REL: variants seen among roughly 807,000 people sequenced by gnomAD.
REL encodes the protein REL proto-oncogene, NF-kB subunit, also known as proto-oncogene c-Rel.
REL carries 15 observed loss-of-function variants against 45.9 expected under a neutral mutation model. The observed-to-expected ratio is 0.33, with a 90% CI of 0.22 to 0.50. REL has a LOEUF of 0.50. REL is among the 20% of genes least tolerant of loss of function. The probability of loss-of-function intolerance (pLI) is 0.98; values close to 1 mark genes in which losing one functional copy is unlikely to be tolerated. For missense variants in REL, 601 were observed against 715.2 expected, an observed-to-expected ratio of 0.84 and a Z score of 1.82; for synonymous variants, 239 against 242.1, an observed-to-expected ratio of 0.99 and a Z score of 0.12.
At position 60,927,553 on chromosome 2, in the gene REL, C is replaced by T. The variant is rs192589801; in HGVS notation, c.*5018C>T. On this transcript the variant is annotated 3_prime_UTR_variant, in exon 10 of 10. Coordinates refer to ENST00000394479, the MANE Select transcript of REL (RefSeq NM_001291746.2). Reference sequence around the variant, plus strand: ...GGTTTAATCTCAGGTCTCCCTCATACACTTCTCAGCCTCAGCACCTAACCC... The same window carrying T: ...GGTTTAATCTCAGGTCTCCCTCATATACTTCTCAGCCTCAGCACCTAACCC... The T allele has an allele frequency of 8.7e-6, 2 of 229,588 alleles. No homozygotes were observed. The highest frequency in any genetic ancestry group is 6.1e-5 in the East Asian group (1 of 16,266). 14.2% of individuals were successfully genotyped at this position (229,588 alleles called of 1,614,324 possible).
At chr2:60,906,301 A>C (rs1044641746) in intron 4 of REL, among the ~76,000 whole-genome samples, 1 of 152,062 alleles carries the variant, frequency 6.6e-6, no homozygotes, top group Non-Finnish European at 1.5e-5. Context: ...AGTGTACTCA[A>C]TTCTATTCTG....
rs10172912 is a variant in REL at position 60,912,907 on chromosome 2, A to T, written c.395-3970A>T. 3.9e-4 allele frequency among the ~76,000 whole-genome samples: 59 copies of T among 152,242 alleles called. 1 individual carries two copies. Among genetic ancestry groups the T allele is most frequent in the African/African-American group, 1.4e-3 (58 of 41,576 alleles). On this transcript the variant is annotated intron_variant, in intron 4 of 9. Coordinates refer to ENST00000394479, the MANE Select transcript of REL (RefSeq NM_001291746.2). The stretch of plus-strand genomic sequence containing the variant: ...AAAAATAGTTATTTAATTAAGTCGG[A>T]TTCCCTACCTCACATCATATACAAA...
chr2:60,913,447 T>G (rs1458080525), intron 4 of REL, among the ~76,000 whole-genome samples: 2 of 152,128 alleles, frequency 1.3e-5, no homozygotes, highest in Non-Finnish European at 2.9e-5. Flanking sequence ...CTAAAATCAG[T>G]GAATGATTTA....
chr2:60,914,967 G>T (rs1041558770), intron 4 of REL, among the ~76,000 whole-genome samples: 38 of 152,122 alleles, frequency 2.5e-4, no homozygotes, highest in African/African-American at 8.7e-4. Flanking sequence ...AAGTAGCTGG[G>T]ATTATAGGCG....
chr2:60,904,904 GAAAGT>G (rs1318897037), intron 4 of REL, among the ~76,000 whole-genome samples: 1 of 152,054 alleles, frequency 6.6e-6, no homozygotes, highest in African/African-American at 2.4e-5. Flanking sequence ...TAAAGAAAAG[GAAAGT>G]AATTTGTTCA....
chr2:60,912,877 G>GA (rs954112350), intron 4 of REL, among the ~76,000 whole-genome samples: 7 of 149,918 alleles, frequency 4.7e-5, no homozygotes, highest in Admixed American at 3.3e-4. Flanking sequence ...AATGAAGCTT[G>GA]AAAAAAAAAT....
intron 4 of REL, among the ~76,000 whole-genome samples, chr2:60,902,262 A>G (rs1673518539): frequency 6.6e-6 from 1 of 152,330 alleles, no homozygotes; most frequent in African/African-American, 2.4e-5. Context: ...TTTATGAACC[A>G]TAAGATCTGC....
In REL at chr2:60,923,962, C is replaced by G. The variant is rs1042577286; in HGVS notation, c.*1427C>G. On this transcript the variant is annotated 3_prime_UTR_variant, in exon 10 of 10. Coordinates refer to ENST00000394479, the MANE Select transcript of REL (RefSeq NM_001291746.2). ...AAAGTTGCAGGCCTAGACTCCCTGT[C>G]CTACCTCAGGTACCACCATATCCCA... 10 of 233,088 alleles carry G rather than the reference C, an allele frequency of 4.3e-5. No homozygotes were observed. Among genetic ancestry groups the G allele is most frequent in the African/African-American group, 2.2e-4 (10 of 45,316 alleles). The allele number at this position is 233,088 out of a possible 1,614,324, so 14.4% of individuals were successfully genotyped here.
At chr2:60,882,869 C>G (rs544333943) in intron 1 of REL, among the ~76,000 whole-genome samples, 2 of 152,166 alleles carry the variant, frequency 1.3e-5, no homozygotes, top group South Asian at 2.1e-4. Flanking sequence ...TATATTTTCC[C>G]TTAATAAATG....
intron 3 of REL, among the ~76,000 whole-genome samples, chr2:60,895,760 G>C (rs1447247968): frequency 6.6e-6 from 1 of 152,164 alleles, no homozygotes; most frequent in African/African-American, 2.4e-5. Flanking sequence ...CCACTTCTAG[G>C]AGTTTAGCCT....
rs539844162 is a variant in REL at position 60,931,485 on chromosome 2, A to G, written c.*8950A>G. 6.6e-6 allele frequency: 1 copy of G among 152,458 alleles called. No homozygotes were observed. Among genetic ancestry groups the G allele is most frequent in the African/African-American group, 2.4e-5 (1 of 41,582 alleles). The allele number at this position is 152,458 out of a possible 1,614,324, so 9.4% of individuals were successfully genotyped here. ...TGTTCAATTATTTAATGTTAAGTTTAGTATCAAGATACAGTTGTTTTTAAA... is the reference window on the plus strand; with the variant it reads ...TGTTCAATTATTTAATGTTAAGTTTGGTATCAAGATACAGTTGTTTTTAAA... On this transcript the variant is annotated 3_prime_UTR_variant, in exon 10 of 10. Coordinates refer to ENST00000394479, the MANE Select transcript of REL (RefSeq NM_001291746.2).
intron 4 of REL, among the ~76,000 whole-genome samples, chr2:60,908,281 T>G (rs1198085765): frequency 6.6e-6 from 1 of 152,234 alleles, no homozygotes; most frequent in Admixed American, 6.5e-5. Flanking sequence ...CTCTATCTTC[T>G]CAGCTAAGTG....
intron 4 of REL, among the ~76,000 whole-genome samples, chr2:60,908,518 C>T (rs1255485500): frequency 6.6e-6 from 1 of 152,130 alleles, no homozygotes; most frequent in Non-Finnish European, 1.5e-5. Context: ...TAATTAGGGA[C>T]TCCAATATCA....
chr2:60,906,868 T>C (rs374882243), intron 4 of REL, among the ~76,000 whole-genome samples: 5 of 138,974 alleles, frequency 3.6e-5, no homozygotes, highest in Non-Finnish European at 8.1e-5. Flanking sequence ...TGTGTGTGTG[T>C]GTGCGTGTGT....
At chr2:60,906,641 G>C (rs1487172529) in intron 4 of REL, among the ~76,000 whole-genome samples, 1 of 151,928 alleles carries the variant, frequency 6.6e-6, no homozygotes, top group African/African-American at 2.4e-5. Flanking sequence ...TTGCCGTTCT[G>C]AACTATCTGC....
chr2:60,921,346 T>A (rs1324367643), intron 9 of REL, among the ~76,000 whole-genome samples: 3 of 152,212 alleles, frequency 2.0e-5, no homozygotes, highest in African/African-American at 2.4e-5. Flanking sequence ...TTATCCCTAA[T>A]GAGTGTTGTC....
chr2:60,891,092 A>C (rs945310180), intron 1 of REL, among the ~76,000 whole-genome samples: 2 of 152,180 alleles, frequency 1.3e-5, no homozygotes, highest in Admixed American at 6.5e-5. Flanking sequence ...CTTTGAGCCT[A>C]AAGTCCCTCC....
At chr2:60,887,425 T>G (rs1016682575) in intron 1 of REL, among the ~76,000 whole-genome samples, 2 of 152,056 alleles carry the variant, frequency 1.3e-5, no homozygotes, top group Non-Finnish European at 2.9e-5. Flanking sequence ...TTAAGATTTT[T>G]TAGTCATTCA....
rs772185577 is a variant in REL, at chr2:60,900,941, A to G, written c.303-51A>G. ...TATTGCTATATGTTTGATTTTTGCA[A>G]TATTCCTTGTGTTTATAATGCAGTT... On this transcript the variant is annotated intron_variant, in intron 3 of 9. Coordinates refer to ENST00000394479, the MANE Select transcript of REL (RefSeq NM_001291746.2). 9 of 1,478,112 alleles carry G rather than the reference A, an allele frequency of 6.1e-6. No individual in the cohort carries two copies. In the Admixed American group the frequency reaches 1.3e-4, roughly 22 times the overall value. 91.6% of individuals were successfully genotyped at this position (1,478,112 alleles called of 1,614,324 possible). A position where few individuals can be genotyped will look rare whatever the true frequency, so the allele number is the denominator to read the frequency against.
Sources: allele counts gnomAD v4.1 joint callset (sites outside exome capture counted in the v4.1 genomes callset), GRCh38; gene constraint gnomAD v4.1.1; transcripts MANE v1.5; gene names NCBI Gene and HGNC (gene_info 2026-07-23, HGNC 2026-07-21).